The following LIX1 variants were observed in gnomAD, a reference collection of about 807,000 sequenced individuals.
The protein encoded by LIX1 is limb and CNS expressed 1.
A neutral mutation model predicts 33.4 loss-of-function variants in LIX1; 24 were observed. That is an observed-to-expected ratio of 0.72 (90% CI 0.52 to 1.01). The LOEUF is 1.01. Ranked by LOEUF, LIX1 falls within the 50% of genes least tolerant of loss-of-function variation. The pLI is 0.00. For synonymous variants in LIX1, 124 were observed against 124.0 expected (o/e 1.00, Z 0.00); for missense variants, 311 against 339.2 (o/e 0.92, Z 0.65).
intron 2 of LIX1, among the ~76,000 whole-genome samples, chr5:97,111,910 T>A (rs1164568682): frequency 1.3e-5 from 2 of 152,186 alleles, no homozygotes; most frequent in Non-Finnish European, 2.9e-5. Flanking sequence ...AATACCAAGA[T>A]TTTAAAGCAG....
At chr5:97,118,827 TTC>T (rs1010414207) in intron 2 of LIX1, among the ~76,000 whole-genome samples, 3 of 151,406 alleles carry the variant, frequency 2.0e-5, no homozygotes, top group African/African-American at 2.4e-5. Flanking sequence ...TATGGCTGCT[TTC>T]TCTCTCTCTC....
intron 2 of LIX1, among the ~76,000 whole-genome samples, chr5:97,111,708 G>A (rs1448556039): frequency 6.6e-6 from 1 of 152,184 alleles, no homozygotes; most frequent in Non-Finnish European, 1.5e-5. Flanking sequence ...TATGGAGAGA[G>A]AGACCTAGTA....
intron 2 of LIX1, among the ~76,000 whole-genome samples, chr5:97,114,754 A>G (rs965351837): frequency 6.0e-4 from 92 of 152,210 alleles, no homozygotes; most frequent in Non-Finnish European, 6.6e-4. Context: ...TCCAACAGGC[A>G]GGAGCAGAAC....
intron 1 of LIX1, among the ~76,000 whole-genome samples, chr5:97,137,543 A>G (rs1748197632): frequency 6.6e-6 from 1 of 152,198 alleles, no homozygotes; most frequent in Non-Finnish European, 1.5e-5. Flanking sequence ...TATAAATTCA[A>G]ATAAAAATAA....
intron 1 of LIX1, among the ~76,000 whole-genome samples, chr5:97,135,707 T>C (rs767477200): frequency 1.3e-5 from 2 of 152,018 alleles, no homozygotes; most frequent in Non-Finnish European, 2.9e-5. Context: ...TAATCCCAGC[T>C]ACTTGGTAGG....
chr5:97,121,584 C>T (rs1747786688), intron 2 of LIX1, among the ~76,000 whole-genome samples: 1 of 152,008 alleles, frequency 6.6e-6, no homozygotes, highest in South Asian at 2.1e-4. Flanking sequence ...CTAATTTGGC[C>T]ATCATATTTC....
In LIX1 at chr5:97,123,381, C is replaced by T. The variant is rs145927019; in HGVS notation, c.246+1085G>A. On this transcript the variant is annotated intron_variant, in intron 2 of 5. Transcript: ENST00000274382. ...ACCCGCTCCACTTCCTCCTGTGTTT[C>T]CCACCCAGTGGCCAAAGCCAGGGCT... Among the ~76,000 whole-genome samples the T allele has an allele frequency of 3.3e-3, 497 of 152,286 alleles. 7 individuals are homozygous for T. The highest frequency in any genetic ancestry group is 0.011 in the African/African-American group (477 of 41,570).
At chr5:97,115,855 G>A (rs796542034) in intron 2 of LIX1, among the ~76,000 whole-genome samples, 21 of 152,180 alleles carry the variant, frequency 1.4e-4, no homozygotes, top group African/African-American at 4.1e-4. Context: ...TGGGGTCAAG[G>A]GCAGGTCAGT....
intron 2 of LIX1, among the ~76,000 whole-genome samples, chr5:97,122,588 A>T (rs991246635): frequency 6.6e-6 from 1 of 152,202 alleles, no homozygotes; most frequent in African/African-American, 2.4e-5. Flanking sequence ...CTAAGAGTTC[A>T]TCTTGTTGAT....
chr5:97,094,618 T>G lies in LIX1; in HGVS notation c.*130A>C. 1.3e-6 allele frequency: 1 copy of G among 771,480 alleles called. No individual in the cohort carries two copies. 47.8% of individuals were successfully genotyped at this position (771,480 alleles called of 1,614,324 possible). A position where few individuals can be genotyped will look rare whatever the true frequency, so the allele number is the denominator to read the frequency against. On this transcript the variant is annotated 3_prime_UTR_variant, in exon 6 of 6. Coordinates refer to ENST00000274382, the MANE Select transcript of LIX1 (RefSeq NM_153234.5). Reference sequence around the variant, plus strand: ...CGACTCTCATACTCTGTAAATGGAATGTGTGGAGAGGGTTAGGAGAGCCTT... The same window carrying G: ...CGACTCTCATACTCTGTAAATGGAAGGTGTGGAGAGGGTTAGGAGAGCCTT...
rs548436405 is a variant in LIX1, at chr5:97,130,874, C to T, written c.83-6245G>A. Among the ~76,000 whole-genome samples the T allele has an allele frequency of 3.0e-4, 46 of 152,296 alleles. 1 individual carries two copies. The highest frequency in any genetic ancestry group is 1.2e-3 in the Admixed American group (18 of 15,308). ...CTACCCCTAATTGCTTTCTCTAACA[C>T]GGTGATAGGCCCCTACAGGAGTTTT... On this transcript the variant is annotated intron_variant, in intron 1 of 5. Coordinates refer to ENST00000274382, the MANE Select transcript of LIX1 (RefSeq NM_153234.5).
chr5:97,102,929 C>T, intron 4 of LIX1: 1 of 364,378 alleles, frequency 2.7e-6, no homozygotes, highest in South Asian at 2.1e-5. Context: ...GAAATTCCTG[C>T]TTAGGGGAAG....
intron 2 of LIX1, among the ~76,000 whole-genome samples, chr5:97,113,273 A>G (rs1287448087): frequency 1.3e-5 from 2 of 152,254 alleles, no homozygotes; most frequent in Non-Finnish European, 2.9e-5. Context: ...ACCTCCTTCC[A>G]GAAGACCTTG....
chr5:97,118,025 C>T (rs1747680461), intron 2 of LIX1, among the ~76,000 whole-genome samples: 1 of 152,084 alleles, frequency 6.6e-6, no homozygotes, highest in Non-Finnish European at 1.5e-5. Flanking sequence ...GTACCAGAAC[C>T]CAGTGTTTAA....
At chr5:97,095,148 C>T (rs568676197) in intron 5 of LIX1, 113 bp from the exon 6 acceptor site, 1 of 1,005,434 alleles carries the variant, frequency 9.9e-7, no homozygotes, top group South Asian at 1.7e-5. Flanking sequence ...AACCCCATCT[C>T]TCTCATGTTC....
chr5:97,112,945 G>A (rs1747485289), intron 2 of LIX1, among the ~76,000 whole-genome samples: 1 of 152,164 alleles, frequency 6.6e-6, no homozygotes, highest in Non-Finnish European at 1.5e-5. Context: ...CTGCACCAGA[G>A]TTCGTTTGTG....
chr5:97,108,599 A>T (rs1317322728), intron 2 of LIX1, among the ~76,000 whole-genome samples: 2 of 152,140 alleles, frequency 1.3e-5, no homozygotes, highest in South Asian at 2.1e-4. Flanking sequence ...CCAGGAGTTG[A>T]TGGCCTCTCT....
chr5:97,139,926 A>C (rs563208591), intron 1 of LIX1, among the ~76,000 whole-genome samples: 2 of 152,270 alleles, frequency 1.3e-5, no homozygotes, highest in African/African-American at 2.4e-5. Context: ...TACCATTTGA[A>C]GAGCTTCCTC....
At chr5:97,131,292 G>A (rs1748051338) in intron 1 of LIX1, among the ~76,000 whole-genome samples, 1 of 152,156 alleles carries the variant, frequency 6.6e-6, no homozygotes, top group Admixed American at 6.5e-5. Context: ...TATTTTGAGT[G>A]TTGTGTCCTT....
Sources: allele counts gnomAD v4.1 joint callset (sites outside exome capture counted in the v4.1 genomes callset), GRCh38; gene constraint gnomAD v4.1.1; transcripts MANE v1.5; gene names NCBI Gene and HGNC (gene_info 2026-07-23, HGNC 2026-07-21).